FARSA: variants seen among roughly 807,000 people sequenced by gnomAD.
FARSA encodes the protein phenylalanyl-tRNA synthetase subunit alpha.
A neutral mutation model predicts 63.2 loss-of-function variants in FARSA; 37 were observed. That is an observed-to-expected ratio of 0.59 (90% CI 0.45 to 0.77). FARSA has a LOEUF of 0.77. Ranked by LOEUF, FARSA falls within the 30% of genes least tolerant of loss-of-function variation. FARSA has a pLI of 0.00. For missense variants in FARSA, 618 were observed against 696.6 expected (o/e 0.89, Z 1.27); for synonymous variants, 312 against 285.1 (o/e 1.09, Z -0.95).
At chr19:12,933,415 G>T in intron 1 of FARSA, 135 bp downstream of exon 1, 1 of 1,043,410 alleles carries the variant, frequency 9.6e-7, no homozygotes, top group Non-Finnish European at 1.3e-6. Context: ...CTTCCCGCCC[G>T]CACATCCCGG....
intron 12 of FARSA, 148 bp from the exon 13 acceptor site, chr19:12,923,034 A>C (rs953426751): frequency 1.3e-5 from 13 of 971,290 alleles, no homozygotes; most frequent in East Asian, 5.1e-5. Context: ...ATCACCTCTC[A>C]CCCTCCGCCT....
At position 12,928,544 on chromosome 19, in the gene FARSA, A is replaced by T; in HGVS notation, c.716T>A (p.Leu239Gln). ...CCAGCCCTGTGCTCACCCCATCTCCAGGAAGATCTGTCGGAACTGGGAGCG... is the reference window on the plus strand; with the variant it reads ...CCAGCCCTGTGCTCACCCCATCTCCTGGAAGATCTGTCGGAACTGGGAGCG... The part of the protein sequence containing the change: ...KVRSQFRQIF[L>Q]EMGFTEMPTD... Residue 239 changes from leucine (L) to glutamine (Q), a missense_variant, in exon 6 of 13, where the codon CTG becomes CAG. Physicochemically the swap from Leu to Gln is moderately radical, Grantham distance 113 (BLOSUM62 -2). Transcript: ENST00000314606. 2.5e-6 allele frequency: 4 copies of T among 1,614,108 alleles called. No homozygotes were observed. Among genetic ancestry groups the T allele is most frequent in the Non-Finnish European group, 3.4e-6 (4 of 1,179,980 alleles).
At position 12,928,822 on chromosome 19, in the gene FARSA, T is replaced by G; in HGVS notation, c.529A>C (p.Lys177Gln). 1.2e-6 allele frequency: 2 copies of G among 1,614,180 alleles called. No individual in the cohort carries two copies. The highest frequency in any genetic ancestry group is 1.7e-6 in the Non-Finnish European group (2 of 1,180,026). The part of the protein sequence containing the change: ...EVTLKTYWVS[K>Q]GSAFSTSISK... ...ATGCTGGTACTAAAGGCACTGCCTTTGCTCACCCAGTAGGTCTTCAGAGTC... is the reference window on the plus strand; with the variant it reads ...ATGCTGGTACTAAAGGCACTGCCTTGGCTCACCCAGTAGGTCTTCAGAGTC... The change falls in exon 5 of 13, where the codon AAA becomes CAA. Residue 177 changes from lysine (K) to glutamine (Q), a missense_variant. By Grantham distance (53) the Lys-to-Gln change is moderately conservative (BLOSUM62 1). Coordinates refer to ENST00000314606, the MANE Select transcript of FARSA (RefSeq NM_004461.3).
chr19:12,929,775 G>C (rs1018017597), intron 4 of FARSA, among the ~76,000 whole-genome samples: 7 of 152,218 alleles, frequency 4.6e-5, no homozygotes, highest in African/African-American at 1.7e-4. Context: ...CTCTGTGTCT[G>C]CTCAAAGGGG....
At chr19:12,930,851 A>C in intron 1 of FARSA, 102 bp from the exon 2 acceptor site, 1 of 1,388,440 alleles carries the variant, frequency 7.2e-7, no homozygotes, top group Non-Finnish European at 1.0e-6. Flanking sequence ...ACAGCCCTTA[A>C]AGCTAGGTTC....
rs754160224 is a variant in FARSA, at chr19:12,924,800, A to G, written c.1034T>C (p.Phe345Ser). 4 of 1,607,454 alleles carry G rather than the reference A, an allele frequency of 2.5e-6. No homozygotes were observed. In the East Asian group the frequency reaches 8.9e-5, roughly 36 times the overall value. The change falls in exon 10 of 13, where the codon TTC becomes TCC. Residue 345 changes from phenylalanine to serine, a missense_variant. Phe to Ser is a radical substitution (Grantham distance 155). Coordinates refer to ENST00000314606, the MANE Select transcript of FARSA (RefSeq NM_004461.3). This position sits in a 1 kb window ranked among gnomAD's most constrained non-coding sequence, Gnocchi z 6.4. Reference protein sequence around the residue: ...ALYRLAQKKPFTPVKYFSIDR... With the variant: ...ALYRLAQKKPSTPVKYFSIDR... ...GATGGAGAAGTACTTGACCGGAGTG[A>G]AGGGCTTCTAGGGGTGACAACCGAG...
At position 12,928,465 on chromosome 19, in the gene FARSA, G is replaced by C; in HGVS notation, c.726-8C>G. 1 of 1,613,988 alleles carries C rather than the reference G, an allele frequency of 6.2e-7. No homozygotes were observed. The highest frequency in any genetic ancestry group is 8.5e-7 in the Non-Finnish European group (1 of 1,179,930). On this transcript the variant is annotated splice_polypyrimidine_tract_variant and splice_region_variant and intron_variant, in intron 6 of 12. Coordinates refer to ENST00000314606, the MANE Select transcript of FARSA (RefSeq NM_004461.3). ...GTCGGCATCTCGGTGAACCTGGTGGGAGACACAGCCTGACTGCCCTGCCTG... is the reference window on the plus strand; with the variant it reads ...GTCGGCATCTCGGTGAACCTGGTGGCAGACACAGCCTGACTGCCCTGCCTG...
At position 12,924,033 on chromosome 19, in the gene FARSA, C is replaced by G. The variant is rs536071521; in HGVS notation, c.1388+118G>C. The G allele has an allele frequency of 2.0e-5, 15 of 760,852 alleles. No homozygotes were observed. Among genetic ancestry groups the G allele is most frequent in the Non-Finnish European group, 3.2e-5 (14 of 433,706 alleles). 47.1% of individuals were successfully genotyped at this position (760,852 alleles called of 1,614,324 possible). A position where few individuals can be genotyped will look rare whatever the true frequency, so the allele number is the denominator to read the frequency against. On this transcript the variant is annotated intron_variant, in intron 12 of 12. Transcript: ENST00000314606. This position sits in a 1 kb window ranked among gnomAD's most constrained non-coding sequence, Gnocchi z 6.4. Reference sequence around the variant, plus strand: ...GGGCTGAGCATTCAGTTTGTACTCACGATGAAAGTTTTGTCCATTGGATGA... The same window carrying G: ...GGGCTGAGCATTCAGTTTGTACTCAGGATGAAAGTTTTGTCCATTGGATGA...
chr19:12,932,713 C>T (rs1020614784), intron 1 of FARSA, among the ~76,000 whole-genome samples: 31 of 152,202 alleles, frequency 2.0e-4, no homozygotes, highest in African/African-American at 7.0e-4. Flanking sequence ...GATCCTGGCC[C>T]CATGGATCTA....
In FARSA at chr19:12,925,272, G is replaced by A. The variant is rs564589314; in HGVS notation, c.842-98C>T. 1.3e-5 allele frequency: 13 copies of A among 1,008,524 alleles called. No individual in the cohort carries two copies. In the African/African-American group the frequency reaches 1.8e-4, roughly 14 times the overall value. 62.5% of individuals were successfully genotyped at this position (1,008,524 alleles called of 1,614,324 possible). A position where few individuals can be genotyped will look rare whatever the true frequency, so the allele number is the denominator to read the frequency against. On this transcript the variant is annotated intron_variant, in intron 7 of 12. Transcript: ENST00000314606. ...TCACTGTTGTCCAGGCTGGAGTGCG[G>A]TGGTGCAATCTGGGCTTACTGCAAC...
chr19:12,930,298 A>G lies in FARSA; in HGVS notation c.428T>C (p.Val143Ala), dbSNP rs774492543. ...EDEVQRRLQL[V>A]RGGQAEKLGE... Reference sequence around the variant, plus strand: ...CAGCTTCTCAGCCTGTCCCCCCCGGACCAGCTGGAGCCGCCGCTGCACCTC... The same window carrying G: ...CAGCTTCTCAGCCTGTCCCCCCCGGGCCAGCTGGAGCCGCCGCTGCACCTC... Residue 143 changes from valine to alanine, a missense_variant, in exon 4 of 13, where the codon GTC becomes GCC. Transcript: ENST00000314606. 1.2e-6 allele frequency: 2 copies of G among 1,613,818 alleles called. No homozygotes were observed. The highest frequency in any genetic ancestry group is 8.5e-7 in the Non-Finnish European group (1 of 1,179,936).
Position 12,924,881 on chromosome 19 carries a change from G to A in FARSA, c.1026+23C>T. ...TTGACAGCACCCTCTCCCCACTGGG[G>A]CCCCCGCCTGGGCCAACCGCACCTT... is the stretch of plus-strand genomic sequence containing the variant. On this transcript the variant is annotated intron_variant, in intron 9 of 12. Coordinates refer to ENST00000314606, the MANE Select transcript of FARSA (RefSeq NM_004461.3). The surrounding 1 kb of genome is among the most constrained non-coding windows in gnomAD (Gnocchi z 6.4). 2 of 1,614,068 alleles carry A rather than the reference G, an allele frequency of 1.2e-6. No individual in the cohort carries two copies. The highest frequency in any genetic ancestry group is 1.7e-6 in the Non-Finnish European group (2 of 1,179,916).
Position 12,924,690 on chromosome 19 carries a change from G to A in FARSA, c.1144C>T (p.Leu382Phe). Residue 382 changes from leucine to phenylalanine, a missense_variant, in exon 10 of 13, where the codon CTC becomes TTC. Physicochemically the swap from Leu to Phe is conservative, Grantham distance 22. Transcript: ENST00000314606. The surrounding 1 kb of genome is among the most constrained non-coding windows in gnomAD (Gnocchi z 6.4). ...QIEGVVADHG[L>F]TLGHLMGVLR... ...ACGCCCATGAGGTGGCCCAAGGTGA[G>A]ACCATGATCCGCCACCACGCCCTCG... 1.9e-6 allele frequency: 3 copies of A among 1,591,800 alleles called. No homozygotes were observed. The highest frequency in any genetic ancestry group is 1.1e-5 in the South Asian group (1 of 87,708).
chr19:12,928,939 A>G, intron 4 of FARSA, 92 bp from the exon 5 acceptor site: 1 of 1,077,304 alleles, frequency 9.3e-7, no homozygotes, highest in Non-Finnish European at 1.4e-6. Context: ...CATGCTACCT[A>G]CCAAGTCACT....
At chr19:12,933,451 A>T in intron 1 of FARSA, 99 bp downstream of exon 1, 1 of 1,427,624 alleles carries the variant, frequency 7.0e-7, no homozygotes, top group Non-Finnish European at 9.4e-7. Flanking sequence ...AGCTACCCCA[A>T]ACTAGGCCTG....
intron 7 of FARSA, among the ~76,000 whole-genome samples, chr19:12,925,698 G>A (rs969994784): frequency 6.6e-5 from 10 of 150,464 alleles, no homozygotes; most frequent in African/African-American, 2.4e-4. Flanking sequence ...TTTTGAGATG[G>A]AGTCTTGCTC....
intron 7 of FARSA, among the ~76,000 whole-genome samples, chr19:12,927,328 G>C (rs2145996804): frequency 6.6e-6 from 1 of 152,298 alleles, no homozygotes; most frequent in East Asian, 1.9e-4. Flanking sequence ...GGCAGGGTGT[G>C]GGGGCTCATG....
intron 1 of FARSA, chr19:12,933,320 C>A (rs1388181783): frequency 1.7e-5 from 9 of 539,038 alleles, no homozygotes; most frequent in East Asian, 3.5e-5. Flanking sequence ...CGTCCATCAT[C>A]GTACCCTCTA....
Position 12,930,431 on chromosome 19 carries a change from C to G in FARSA, c.382G>C (p.Val128Leu). The change falls in exon 3 of 13, where the codon GTG becomes CTG. Residue 128 changes from valine (V) to leucine (L), a missense_variant and splice_region_variant. Transcript: ENST00000314606. ...CTGACCAGCCCGCAGGAACGCACCA[C>G]TCGGAACACCCGGGGCCCGTCAGCC... is the stretch of plus-strand genomic sequence containing the variant. ...SAADGPRVFR[V>L]VDSMEDEVQR... is the part of the protein sequence containing the mutation. The G allele has an allele frequency of 6.2e-7, 1 of 1,613,898 alleles. No homozygotes were observed. The highest frequency in any genetic ancestry group is 8.5e-7 in the Non-Finnish European group (1 of 1,179,870).
Sources: gnomAD v4.1 joint callset for allele counts (sites outside exome capture counted in the v4.1 genomes callset) on GRCh38, gnomAD v4.1.1 for gene constraint, Gnocchi (gnomAD v3.1) non-coding constraint, MANE v1.5 for transcripts, NCBI Gene and HGNC (gene_info 2026-07-23, HGNC 2026-07-21) for gene names.